ARHGAP32: variants seen among roughly 807,000 people sequenced by gnomAD.
ARHGAP32 encodes rho GTPase-activating protein 32.
In ARHGAP32, 51 loss-of-function variants were observed where a neutral mutation model predicts 186.5. The observed-to-expected ratio is 0.27, with a 90% confidence interval of 0.22 to 0.35. The LOEUF is 0.35. ARHGAP32 is among the 10% of genes least tolerant of loss of function. The pLI is 1.00. For synonymous variants in ARHGAP32, 950 were observed against 964.3 expected, an observed-to-expected ratio of 0.99 and a Z score of 0.27; for missense variants, 2,186 against 2,623.5, an observed-to-expected ratio of 0.83 and a Z score of 3.64.
At chr11:129,061,069 AT>A (rs1940483264) in intron 10 of ARHGAP32, among the ~76,000 whole-genome samples, 1 of 152,126 alleles carries the variant, frequency 6.6e-6, no homozygotes, top group South Asian at 2.1e-4. Context: ...TTAATAAAAA[AT>A]ATATTTTATA....
At chr11:129,047,012 C>T (rs1939838397) in intron 10 of ARHGAP32, among the ~76,000 whole-genome samples, 2 of 151,770 alleles carry the variant, frequency 1.3e-5, no homozygotes, top group Admixed American at 1.3e-4. Flanking sequence ...CCTGTAGTCC[C>T]AGCTACTTGG....
At chr11:128,983,783 G>C (rs1056529501) in intron 15 of ARHGAP32, among the ~76,000 whole-genome samples, 24 of 151,962 alleles carry the variant, frequency 1.6e-4, no homozygotes, top group Admixed American at 6.6e-4. Context: ...TATGAGAATT[G>C]CAAATTTAAA....
chr11:129,149,124 C>CCTA (rs1285549307), intron 2 of ARHGAP32, among the ~76,000 whole-genome samples: 2 of 152,294 alleles, frequency 1.3e-5, no homozygotes, highest in East Asian at 1.9e-4. Flanking sequence ...CACAGATCCC[C>CCTA]CTACTACTAC....
At chr11:129,266,483 C>T (rs1468904273) in intron 1 of ARHGAP32, among the ~76,000 whole-genome samples, 2 of 152,154 alleles carry the variant, frequency 1.3e-5, no homozygotes, top group Non-Finnish European at 2.9e-5. Flanking sequence ...CCACTCTACC[C>T]CTGACAATCC....
chr11:129,137,188 G>A, intron 2 of ARHGAP32, among the ~76,000 whole-genome samples: 1 of 150,152 alleles, frequency 6.7e-6, no homozygotes, highest in Non-Finnish European at 1.5e-5. Context: ...CTAACTAAAA[G>A]ACTGTAAATA....
At chr11:129,126,331 G>A (rs890257889) in intron 2 of ARHGAP32, among the ~76,000 whole-genome samples, 2 of 152,048 alleles carry the variant, frequency 1.3e-5, no homozygotes, top group African/African-American at 4.8e-5. Context: ...TGCAAAAACA[G>A]GCATCCAACA....
intron 1 of ARHGAP32, among the ~76,000 whole-genome samples, chr11:129,176,382 A>G: frequency 1.5e-5 from 1 of 65,782 alleles, no homozygotes; most frequent in African/African-American, 5.4e-5. Flanking sequence ...GATCAACGAG[A>G]CAGAAAGTCA....
chr11:128,989,733 C>T (rs1945992323), intron 12 of ARHGAP32, among the ~76,000 whole-genome samples: 1 of 151,828 alleles, frequency 6.6e-6, no homozygotes, highest in Non-Finnish European at 1.5e-5. Context: ...CCCGAGAGGC[C>T]CTGGTGTGTG....
intron 6 of ARHGAP32, among the ~76,000 whole-genome samples, chr11:129,069,907 T>C (rs1940816786): frequency 6.6e-6 from 1 of 151,932 alleles, no homozygotes; most frequent in African/African-American, 2.4e-5. Flanking sequence ...AGAAGAGAAA[T>C]TGGCTTTGCT....
At chr11:129,229,021 A>C (rs1163295293) in intron 1 of ARHGAP32, among the ~76,000 whole-genome samples, 1 of 152,250 alleles carries the variant, frequency 6.6e-6, no homozygotes, top group African/African-American at 2.4e-5. Context: ...CCTAGGACGC[A>C]GAACAAGGGG....
chr11:129,178,569 A>C (rs1445507893), intron 1 of ARHGAP32, among the ~76,000 whole-genome samples: 1 of 152,010 alleles, frequency 6.6e-6, no homozygotes, highest in Non-Finnish European at 1.5e-5. Flanking sequence ...TAACCAAAAC[A>C]GCATGGTACT....
chr11:129,168,204 C>A (rs1565453239), intron 1 of ARHGAP32, among the ~76,000 whole-genome samples: 1 of 152,182 alleles, frequency 6.6e-6, no homozygotes, highest in Non-Finnish European at 1.5e-5. Flanking sequence ...CATGTTCACA[C>A]CACTGTACTC....
At chr11:129,076,087 G>A (rs575812294) in intron 6 of ARHGAP32, among the ~76,000 whole-genome samples, 6 of 152,182 alleles carry the variant, frequency 3.9e-5, no homozygotes, top group South Asian at 4.2e-4. Context: ...GTACTAGCAC[G>A]CTAAAAGACA....
chr11:129,201,373 C>T (rs1944452822), intron 1 of ARHGAP32, among the ~76,000 whole-genome samples: 2 of 152,132 alleles, frequency 1.3e-5, no homozygotes, highest in Admixed American at 1.3e-4. Flanking sequence ...TTCACTGGAT[C>T]ACTAACTTTT....
At chr11:129,221,192 C>T (rs1944705840) in intron 1 of ARHGAP32, among the ~76,000 whole-genome samples, 1 of 152,046 alleles carries the variant, frequency 6.6e-6, no homozygotes, top group Non-Finnish European at 1.5e-5. Flanking sequence ...AATGATACTG[C>T]CCGCAAAAAT....
At chr11:129,135,960 A>T (rs929576768) in intron 2 of ARHGAP32, among the ~76,000 whole-genome samples, 2 of 152,198 alleles carry the variant, frequency 1.3e-5, no homozygotes, top group Non-Finnish European at 2.9e-5. Context: ...CACCCTACCG[A>T]ATTTAATAAA....
At chr11:129,238,989 C>T (rs1328077772) in intron 1 of ARHGAP32, among the ~76,000 whole-genome samples, 1 of 151,954 alleles carries the variant, frequency 6.6e-6, no homozygotes, top group Non-Finnish European at 1.5e-5. Context: ...CACATACCAC[C>T]ATGCCCGTCT....
At chr11:129,119,954 T>C (rs905867698) in intron 5 of ARHGAP32, among the ~76,000 whole-genome samples, 1 of 152,142 alleles carries the variant, frequency 6.6e-6, no homozygotes, top group African/African-American at 2.4e-5. Flanking sequence ...TAAATCCTTG[T>C]AGAGAAGTTT....
chr11:129,262,873 AAT>A (rs1262537715), intron 1 of ARHGAP32, among the ~76,000 whole-genome samples: 2 of 152,184 alleles, frequency 1.3e-5, no homozygotes, highest in African/African-American at 4.8e-5. Flanking sequence ...TCTTTTTAAA[AAT>A]ATGTTAATAT....
Sources: allele counts gnomAD v4.1 joint callset (sites outside exome capture counted in the v4.1 genomes callset), GRCh38; gene constraint gnomAD v4.1.1; transcripts MANE v1.5; gene names NCBI Gene and HGNC (gene_info 2026-07-23, HGNC 2026-07-21).